HRH2: variants seen among roughly 807,000 people sequenced by gnomAD.
The protein encoded by HRH2 is histamine receptor H2.
Under a neutral mutation model 20.1 loss-of-function variants are expected in HRH2, and 4 were observed. The ratio of observed to expected loss-of-function variants is 0.20; its 90% CI spans 0.10 to 0.45. The LOEUF is 0.45. Among genes scored for constraint, HRH2 ranks in the 20% least tolerant of loss-of-function variants. HRH2 has a pLI of 0.99. For missense variants in HRH2, 250 were observed against 461.6 expected (o/e 0.54, Z 4.20); for synonymous variants, 197 against 200.7 (o/e 0.98, Z 0.16).
intron 1 of HRH2, among the ~76,000 whole-genome samples, chr5:175,660,691 G>C (rs759147064): frequency 4.6e-5 from 7 of 152,172 alleles, no homozygotes; most frequent in Non-Finnish European, 8.8e-5. Flanking sequence ...TTGAAAAAAA[G>C]GTAACTTACG....
intron 1 of HRH2, among the ~76,000 whole-genome samples, chr5:175,672,294 C>T (rs1755572257): frequency 6.6e-6 from 1 of 152,156 alleles, no homozygotes; most frequent in Non-Finnish European, 1.5e-5. Flanking sequence ...GTGGGCTTCT[C>T]TGAAAACATT....
In HRH2 at chr5:175,683,250, C is replaced by T; in HGVS notation, c.17C>T (p.Thr6Ile). The change falls in exon 2 of 3, where the codon ACA becomes ATA. Residue 6 changes from threonine to isoleucine, a missense_variant. Coordinates refer to ENST00000636584, the MANE Select transcript of HRH2 (RefSeq NM_001367711.1). MAPNG[T>I]ASSFCLDSTA... is the part of the protein sequence containing the mutation. ...AGTCCCAGGATGGCACCCAATGGCA[C>T]AGCCTCTTCCTTTTGCCTGGACTCT... 1.2e-6 allele frequency: 2 copies of T among 1,613,948 alleles called. No individual in the cohort carries two copies. Among genetic ancestry groups the T allele is most frequent in the Non-Finnish European group, 1.7e-6 (2 of 1,179,840 alleles).
intron 1 of HRH2, among the ~76,000 whole-genome samples, chr5:175,670,866 A>G (rs972660659): frequency 2.0e-5 from 3 of 152,258 alleles, no homozygotes; most frequent in Admixed American, 6.5e-5. Context: ...GCCAGGCCAT[A>G]TCCAGATTTG....
chr5:175,666,619 C>A (rs1263690237), intron 1 of HRH2, among the ~76,000 whole-genome samples: 2 of 152,038 alleles, frequency 1.3e-5, no homozygotes, highest in East Asian at 1.9e-4. Flanking sequence ...TTTGTAGAGA[C>A]AAGGTTTCAC....
chr5:175,696,682 T>G (rs1561738954), intron 2 of HRH2, among the ~76,000 whole-genome samples: 1 of 152,076 alleles, frequency 6.6e-6, no homozygotes, highest in Non-Finnish European at 1.5e-5. Context: ...CCGCAGGAAG[T>G]AGGGCTCCCA....
chr5:175,676,822 G>A (rs1297016944), intron 1 of HRH2, among the ~76,000 whole-genome samples: 1 of 152,178 alleles, frequency 6.6e-6, no homozygotes, highest in Non-Finnish European at 1.5e-5. Flanking sequence ...GTGAGAACGT[G>A]CAATATTTGA....
At chr5:175,672,612 G>A (rs764888465) in intron 1 of HRH2, among the ~76,000 whole-genome samples, 15 of 152,224 alleles carry the variant, frequency 9.9e-5, no homozygotes, top group Non-Finnish European at 1.6e-4. Context: ...TGTTACGATG[G>A]TTATTTTCAA....
chr5:175,669,621 C>G (rs1177219444), intron 1 of HRH2, among the ~76,000 whole-genome samples: 2 of 152,130 alleles, frequency 1.3e-5, no homozygotes, highest in African/African-American at 4.8e-5. Flanking sequence ...ACCTCGGCCT[C>G]CCGAAGTGCT....
chr5:175,697,587 C>T (rs1429152869), intron 2 of HRH2, among the ~76,000 whole-genome samples: 1 of 152,168 alleles, frequency 6.6e-6, no homozygotes, highest in African/African-American at 2.4e-5. Context: ...CCCATTCCCC[C>T]GCTGGGGTAT....
chr5:175,670,274 A>AT (rs57473415), intron 1 of HRH2, among the ~76,000 whole-genome samples: 3,064 of 151,362 alleles, frequency 0.02, 96 homozygotes, highest in African/African-American at 0.07. Flanking sequence ...CTCAAAGAAA[A>AT]TTTTTTTTTT....
intron 2 of HRH2, among the ~76,000 whole-genome samples, chr5:175,691,656 G>C (rs982162836): frequency 1.3e-5 from 2 of 152,154 alleles, no homozygotes; most frequent in Non-Finnish European, 2.9e-5. Context: ...GCTGAAGCAG[G>C]TGGACCACCT....
intron 2 of HRH2, among the ~76,000 whole-genome samples, chr5:175,704,157 G>C (rs191681409): frequency 1.2e-3 from 185 of 152,152 alleles, no homozygotes; most frequent in African/African-American, 4.3e-3. Context: ...TATTTTATGA[G>C]AGCAGATTCA....
Position 175,683,413 on chromosome 5 carries a change from G to A in HRH2, c.180G>A (p.Leu60=). The A allele has an allele frequency of 1.2e-6, 2 of 1,614,160 alleles. No individual in the cohort carries two copies. Among genetic ancestry groups the A allele is most frequent in the Non-Finnish European group, 1.7e-6 (2 of 1,180,028 alleles). The change falls in exon 2 of 3, where the codon TTG becomes TTA. Residue 60 remains leucine (L), a synonymous_variant. Transcript: ENST00000636584. The stretch of plus-strand genomic sequence containing the variant: ...TGACCAATTGTTTCATCGTGTCCTT[G>A]GCTATCACTGACCTGCTCCTCGGCC... The part of the protein sequence containing the change: ...RNLTNCFIVS[L]AITDLLLGLL...
At chr5:175,664,901 G>C (rs75832621) in intron 1 of HRH2, among the ~76,000 whole-genome samples, 1 of 152,184 alleles carries the variant, frequency 6.6e-6, no homozygotes, top group African/African-American at 2.4e-5. Context: ...GCCTCTCAAC[G>C]TGCTGGGATT....
intron 2 of HRH2, among the ~76,000 whole-genome samples, chr5:175,688,945 T>A (rs1756269899): frequency 1.3e-5 from 2 of 152,134 alleles, no homozygotes. Context: ...GCTATCCCAG[T>A]CTCCGGGCGT....
intron 1 of HRH2, among the ~76,000 whole-genome samples, chr5:175,658,629 G>A (rs1053561878): frequency 3.3e-5 from 5 of 152,166 alleles, no homozygotes; most frequent in African/African-American, 1.2e-4. Flanking sequence ...CCAGCGGAGA[G>A]CGGGGGCTGC....
At chr5:175,700,063 AG>A (rs1171886160) in intron 2 of HRH2, among the ~76,000 whole-genome samples, 1 of 152,216 alleles carries the variant, frequency 6.6e-6, no homozygotes, top group African/African-American at 2.4e-5. Context: ...GAGACCCAGC[AG>A]CAGGGGATGA....
At chr5:175,695,457 T>C (rs1259883007) in intron 2 of HRH2, among the ~76,000 whole-genome samples, 1 of 152,128 alleles carries the variant, frequency 6.6e-6, no homozygotes. Flanking sequence ...AGAAAACCCT[T>C]CCCTATTGTT....
chr5:175,665,051 G>A (rs927104102), intron 1 of HRH2, among the ~76,000 whole-genome samples: 4 of 152,204 alleles, frequency 2.6e-5, no homozygotes, highest in Non-Finnish European at 5.9e-5. Flanking sequence ...CAGGAGGCCA[G>A]GAACTTAATC....
Sources: gnomAD v4.1 joint callset for allele counts (sites outside exome capture counted in the v4.1 genomes callset) on GRCh38, gnomAD v4.1.1 for gene constraint, MANE v1.5 for transcripts, NCBI Gene and HGNC (gene_info 2026-07-23, HGNC 2026-07-21) for gene names.